The following METTL15 variants were observed in gnomAD, a reference collection of about 807,000 sequenced individuals.
METTL15 encodes the protein methyltransferase 15, mitochondrial 12S rRNA N4-cytidine, also known as 12S rRNA N(4)-cytidine methyltransferase METTL15.
METTL15 carries 34 observed loss-of-function variants against 38.3 expected under a neutral mutation model. That is an observed-to-expected ratio of 0.89 (90% CI 0.68 to 1.18). METTL15 has a LOEUF of 1.18. METTL15 is among the 50% of genes most tolerant of loss of function. The pLI, the probability that METTL15 is intolerant of heterozygous loss-of-function variation, is 0.00. For missense variants in METTL15, 438 were observed against 498.4 expected (o/e 0.88, Z 1.15); for synonymous variants, 162 against 170.9 (o/e 0.95, Z 0.41).
chr11:28,222,518 C>T (rs570545344), intron 4 of METTL15, among the ~76,000 whole-genome samples: 4 of 152,294 alleles, frequency 2.6e-5, no homozygotes, highest in Middle Eastern at 3.4e-3. Flanking sequence ...GGCGATGCCT[C>T]GCCCTGCTTT....
intron 4 of METTL15, among the ~76,000 whole-genome samples, chr11:28,236,632 G>A: frequency 6.6e-6 from 1 of 152,170 alleles, no homozygotes; most frequent in Admixed American, 6.5e-5. Context: ...GTGTGAATTT[G>A]ATCCTGCCAT....
chr11:28,128,694 A>G (rs1356028139), intron 3 of METTL15, among the ~76,000 whole-genome samples: 1 of 152,178 alleles, frequency 6.6e-6, no homozygotes, highest in Non-Finnish European at 1.5e-5. Flanking sequence ...TGTAGAATTC[A>G]GGGATATGGG....
intron 4 of METTL15, among the ~76,000 whole-genome samples, chr11:28,253,734 A>G (rs1183464160): frequency 1.3e-5 from 2 of 151,922 alleles, no homozygotes; most frequent in African/African-American, 4.8e-5. Context: ...AAGTGAGAAC[A>G]TGTGATGTTC....
intron 6 of METTL15, among the ~76,000 whole-genome samples, chr11:28,453,120 A>C (rs1032141029): frequency 2.0e-5 from 3 of 152,310 alleles, no homozygotes; most frequent in South Asian, 2.1e-4. Flanking sequence ...TTTTAATACC[A>C]GAATCTCCCT....
chr11:28,458,898 A>G (rs150799589), intron 6 of METTL15, among the ~76,000 whole-genome samples: 1 of 152,302 alleles, frequency 6.6e-6, no homozygotes, highest in Non-Finnish European at 1.5e-5. Context: ...GAATGTTCAG[A>G]AATTTATTCT....
intron 6 of METTL15, among the ~76,000 whole-genome samples, chr11:28,306,221 A>G (rs1857077793): frequency 6.6e-6 from 1 of 152,036 alleles, no homozygotes; most frequent in South Asian, 2.1e-4. Context: ...ATTTCTTGTT[A>G]TTTTATACTT....
downstream of METTL15, chr11:28,527,171 C>T (rs1014534791): frequency 8.5e-5 from 13 of 152,140 alleles, no homozygotes; most frequent in African/African-American, 3.1e-4. Context: ...TAGCAAAGAA[C>T]ACTTGATTTA....
chr11:28,470,509 G>T (rs189739797), intron 6 of METTL15, among the ~76,000 whole-genome samples: 63 of 152,216 alleles, frequency 4.1e-4, no homozygotes, highest in African/African-American at 1.5e-3. Flanking sequence ...GATGAACAGA[G>T]CTGCAGCAGC....
At chr11:28,173,968 GATTT>G (rs1850956104) in intron 3 of METTL15, among the ~76,000 whole-genome samples, 1 of 152,252 alleles carries the variant, frequency 6.6e-6, no homozygotes, top group East Asian at 1.9e-4. Context: ...CTATCAATAT[GATTT>G]TTCATTGTTG....
intron 3 of METTL15, among the ~76,000 whole-genome samples, chr11:28,350,693 T>C (rs1269865357): frequency 6.6e-6 from 1 of 152,176 alleles, no homozygotes; most frequent in African/African-American, 2.4e-5. Flanking sequence ...AGTTAGCACA[T>C]TGTGAAAAGG....
intron 3 of METTL15, among the ~76,000 whole-genome samples, chr11:28,186,826 T>C (rs1319409048): frequency 1.3e-5 from 2 of 151,106 alleles, no homozygotes; most frequent in African/African-American, 4.8e-5. Context: ...TCATAATGTA[T>C]CTGTTAATAG....
At chr11:28,409,424 G>A (rs893309504) in intron 5 of METTL15, among the ~76,000 whole-genome samples, 3 of 142,944 alleles carry the variant, frequency 2.1e-5, no homozygotes, top group Non-Finnish European at 4.6e-5. Flanking sequence ...TATATCATAT[G>A]TAATATGGTT....
At chr11:28,126,861 T>C (rs1852509866) in intron 3 of METTL15, among the ~76,000 whole-genome samples, 1 of 152,116 alleles carries the variant, frequency 6.6e-6, no homozygotes, top group South Asian at 2.1e-4. Context: ...TATATAGTGC[T>C]CTTAGATCTC....
At chr11:28,339,774 G>T (rs1564900334) in intron 3 of METTL15, among the ~76,000 whole-genome samples, 1 of 151,844 alleles carries the variant, frequency 6.6e-6, no homozygotes, top group African/African-American at 2.4e-5. Flanking sequence ...CAAAGTTGAA[G>T]AAAAAAAGTC....
chr11:28,439,495 T>C (rs1851015530), intron 6 of METTL15, among the ~76,000 whole-genome samples: 1 of 152,238 alleles, frequency 6.6e-6, no homozygotes, highest in Admixed American at 6.5e-5. Context: ...AAATTTTGTC[T>C]GTTGAGTATC....
exon 8 of METTL15, chr11:28,526,686 A>T (rs1851814703): frequency 2.6e-5 from 4 of 152,250 alleles, no homozygotes; most frequent in Admixed American, 2.6e-4. Flanking sequence ...CAGAAGAAAC[A>T]AAGCCTGCTG....
At chr11:28,475,503 G>A (rs1035631270) in intron 6 of METTL15, among the ~76,000 whole-genome samples, 11 of 152,136 alleles carry the variant, frequency 7.2e-5, no homozygotes, top group African/African-American at 2.4e-4. Flanking sequence ...CTCGTGGTGT[G>A]GCTGTTGAGA....
At chr11:28,210,929 C>A in intron 3 of METTL15, 133 bp from the exon 4 acceptor site, 2 of 931,868 alleles carry the variant, frequency 2.1e-6, no homozygotes, top group Non-Finnish European at 3.1e-6. Context: ...CAACTATAGG[C>A]ACAACGATTG....
At chr11:28,308,764 C>T (rs572172759) in intron 6 of METTL15, among the ~76,000 whole-genome samples, 1 of 152,018 alleles carries the variant, frequency 6.6e-6, no homozygotes, top group African/African-American at 2.4e-5. Flanking sequence ...TCTCCAGGGG[C>T]AAGAAACCAC....
Sources: gnomAD v4.1 joint callset for allele counts (sites outside exome capture counted in the v4.1 genomes callset) on GRCh38, gnomAD v4.1.1 for gene constraint, MANE v1.5 for transcripts, NCBI Gene and HGNC (gene_info 2026-07-23, HGNC 2026-07-21) for gene names.